The following LRP1B variants were observed in gnomAD, a reference collection of about 807,000 sequenced individuals.
LRP1B encodes the protein LDL receptor related protein 1B, also known as low-density lipoprotein receptor-related protein 1B.
Under a neutral mutation model 556.6 loss-of-function variants are expected in LRP1B, and 217 were observed. The ratio of observed to expected loss-of-function variants is 0.39; its 90% confidence interval spans 0.35 to 0.44. The LOEUF is 0.44. LRP1B is among the 20% of genes least tolerant of loss of function. The pLI, the probability that LRP1B is intolerant of heterozygous loss-of-function variation, is 1.00. For synonymous variants in LRP1B, 2,047 were observed against 1,865.8 expected (o/e 1.10, Z -2.50); for missense variants, 5,053 against 5,620.8 (o/e 0.90, Z 3.23).
rs970643512 is a variant in LRP1B at position 141,980,950 on chromosome 2, GA to G, written c.82+149697del. ...TTAAGAAGCAGGTTTCCTTCTCTCT[GA>G]AAAAAAAAATACCAATTTATGCAGG... On this transcript the variant is annotated intron_variant, in intron 1 of 90. Transcript: ENST00000389484. Among the ~76,000 whole-genome samples, 474 of 147,360 alleles carry G rather than the reference GA, an allele frequency of 3.2e-3. 3 individuals are homozygous for G. Among genetic ancestry groups the G allele is most frequent in the African/African-American group, 0.01 (413 of 40,326 alleles).
chr2:141,670,005 G>A (rs913092199), intron 2 of LRP1B, among the ~76,000 whole-genome samples: 2 of 152,062 alleles, frequency 1.3e-5, no homozygotes, highest in African/African-American at 2.4e-5. Context: ...TGCCCACCTA[G>A]GCATCCCAAA....
At chr2:141,896,233 G>T (rs919943573) in intron 1 of LRP1B, among the ~76,000 whole-genome samples, 2 of 151,866 alleles carry the variant, frequency 1.3e-5, no homozygotes, top group Admixed American at 1.3e-4. Flanking sequence ...AAACTCACCG[G>T]GTTCAGCTAC....
intron 3 of LRP1B, among the ~76,000 whole-genome samples, chr2:141,428,419 A>C (rs559823314): frequency 1.3e-5 from 2 of 152,304 alleles, no homozygotes; most frequent in East Asian, 1.9e-4. Context: ...GTATATTTAA[A>C]AAAAAATCTA....
At chr2:141,179,608 A>C (rs574235313) in intron 7 of LRP1B, among the ~76,000 whole-genome samples, 6 of 152,160 alleles carry the variant, frequency 3.9e-5, no homozygotes, top group African/African-American at 1.4e-4. Flanking sequence ...TTATATCACT[A>C]AAGTCAAAAG....
intron 43 of LRP1B, among the ~76,000 whole-genome samples, chr2:140,582,283 T>C (rs988273337): frequency 5.9e-5 from 9 of 152,286 alleles, no homozygotes; most frequent in South Asian, 2.1e-4. Context: ...CTGATTTAAT[T>C]GTTCTCAGAT....
rs144897565 is a variant in LRP1B at position 140,255,319 on chromosome 2, A to T, written c.13248-8157T>A. On this transcript the variant is annotated intron_variant, in intron 86 of 90. Transcript: ENST00000389484. Reference sequence around the variant, plus strand: ...ACAATGCCCAAAAAATTGATTCAGGAGGTAGAGACAAATGTCTTCACTAAA... The same window carrying T: ...ACAATGCCCAAAAAATTGATTCAGGTGGTAGAGACAAATGTCTTCACTAAA... Among the ~76,000 whole-genome samples the T allele has an allele frequency of 3.2e-3, 492 of 152,274 alleles. 1 individual carries two copies. Among genetic ancestry groups the T allele is most frequent in the African/African-American group, 0.011 (467 of 41,558 alleles).
At chr2:141,893,778 T>C (rs1699358813) in intron 1 of LRP1B, among the ~76,000 whole-genome samples, 1 of 152,172 alleles carries the variant, frequency 6.6e-6, no homozygotes, top group Non-Finnish European at 1.5e-5. Context: ...GTATATTTGA[T>C]ACTCTGTTTA....
chr2:140,584,715 G>GCTGAA (rs1681913509), intron 43 of LRP1B, among the ~76,000 whole-genome samples: 1 of 152,070 alleles, frequency 6.6e-6, no homozygotes, highest in East Asian at 1.9e-4. Flanking sequence ...GACTAACCAA[G>GCTGAA]CTGAACCATC....
intron 1 of LRP1B, among the ~76,000 whole-genome samples, chr2:141,863,490 C>G (rs1238018667): frequency 6.6e-6 from 1 of 152,150 alleles, no homozygotes; most frequent in Non-Finnish European, 1.5e-5. Context: ...TCAGCTGAAT[C>G]TAGATTCAGC....
At chr2:140,667,853 A>G (rs1685334503) in intron 41 of LRP1B, among the ~76,000 whole-genome samples, 1 of 152,156 alleles carries the variant, frequency 6.6e-6, no homozygotes, top group Non-Finnish European at 1.5e-5. Flanking sequence ...CTTCTACTTT[A>G]TAATAGCAAA....
rs554683108 is a variant in LRP1B at position 141,292,919 on chromosome 2, C to A, written c.344-38278G>T. The stretch of plus-strand genomic sequence containing the variant: ...ATGAACTTTAGTTAATAATAATATA[C>A]CCTATTAGTTTATCATAAAAATTGT... On this transcript the variant is annotated intron_variant, in intron 3 of 90. Transcript: ENST00000389484. 2.2e-4 allele frequency among the ~76,000 whole-genome samples: 33 copies of A among 152,156 alleles called. No homozygotes were observed. The South Asian group carries it at 6.4e-3, about 30-fold the overall frequency.
intron 77 of LRP1B, among the ~76,000 whole-genome samples, chr2:140,349,154 C>T (rs1681839285): frequency 6.6e-6 from 1 of 152,004 alleles, no homozygotes; most frequent in African/African-American, 2.4e-5. Flanking sequence ...AGACTGATAC[C>T]GGTCTGTGGC....
chr2:141,013,878 T>G, intron 13 of LRP1B, 133 bp from the exon 14 acceptor site: 1 of 514,548 alleles, frequency 1.9e-6, no homozygotes, highest in Non-Finnish European at 3.2e-6. Flanking sequence ...TCTGATAGAT[T>G]TAAAAAATGG....
chr2:140,631,044 A>T (rs1305206681), intron 41 of LRP1B, among the ~76,000 whole-genome samples: 3 of 152,200 alleles, frequency 2.0e-5, no homozygotes, highest in African/African-American at 7.2e-5. Context: ...TGCAAGGCTC[A>T]GCCTCTCTTT....
At chr2:140,607,499 C>A (rs1436399616) in intron 41 of LRP1B, among the ~76,000 whole-genome samples, 1 of 151,896 alleles carries the variant, frequency 6.6e-6, no homozygotes, top group Non-Finnish European at 1.5e-5. Context: ...TTTGTAATAA[C>A]CAAAAGAAGA....
intron 1 of LRP1B, among the ~76,000 whole-genome samples, chr2:142,039,391 A>G (rs1206892327): frequency 2.0e-5 from 3 of 151,502 alleles, no homozygotes; most frequent in African/African-American, 7.3e-5. Context: ...GGGACCTTAT[A>G]GAAAATACTG....
At chr2:141,913,291 G>T (rs1447512559) in intron 1 of LRP1B, among the ~76,000 whole-genome samples, 1 of 152,158 alleles carries the variant, frequency 6.6e-6, no homozygotes, top group Admixed American at 6.6e-5. Context: ...TTGGACCCTG[G>T]TTGAATTTTT....
At position 140,298,527 on chromosome 2, in the gene LRP1B, G is replaced by A. The variant is rs556104484; in HGVS notation, c.12806-558C>T. 4.5e-4 allele frequency among the ~76,000 whole-genome samples: 69 copies of A among 152,176 alleles called. 1 individual carries two copies. Among genetic ancestry groups the A allele is most frequent in the Admixed American group, 1.2e-3 (19 of 15,284 alleles). On this transcript the variant is annotated intron_variant, in intron 83 of 90. Coordinates refer to ENST00000389484, the MANE Select transcript of LRP1B (RefSeq NM_018557.3). ...ATTTGACTTAAATACACATACTGTGGTTAGTACATAAGTGCTAAATCTAAT... is the reference window on the plus strand; with the variant it reads ...ATTTGACTTAAATACACATACTGTGATTAGTACATAAGTGCTAAATCTAAT...
intron 77 of LRP1B, among the ~76,000 whole-genome samples, chr2:140,342,966 C>T (rs1351857600): frequency 6.6e-6 from 1 of 151,274 alleles, no homozygotes; most frequent in Non-Finnish European, 1.5e-5. Context: ...TTCTATATAG[C>T]AAAAACCATC....
Sources: allele counts gnomAD v4.1 joint callset (sites outside exome capture counted in the v4.1 genomes callset), GRCh38; gene constraint gnomAD v4.1.1; transcripts MANE v1.5; gene names NCBI Gene and HGNC (gene_info 2026-07-23, HGNC 2026-07-21).